NOTCH4: variants seen among roughly 807,000 people sequenced by gnomAD.
NOTCH4 encodes the protein neurogenic locus notch homolog protein 4.
NOTCH4 carries 138 observed loss-of-function variants against 189.0 expected under a neutral mutation model. The ratio of observed to expected loss-of-function variants is 0.73; its 90% CI spans 0.64 to 0.84. The LOEUF is 0.84. Among genes scored for constraint, NOTCH4 ranks in the 40% least tolerant of loss-of-function variants. NOTCH4 has a pLI of 0.00. For missense variants in NOTCH4, 2,286 were observed against 2,605.4 expected (o/e 0.88, Z 2.67); for synonymous variants, 942 against 1,032.8 (o/e 0.91, Z 1.69).
rs1353174622 is a variant in NOTCH4, at chr6:32,197,063, G to A, written c.5062C>T (p.Arg1688Cys). 9.3e-6 allele frequency: 15 copies of A among 1,612,420 alleles called. No individual in the cohort carries two copies. The highest frequency in any genetic ancestry group is 1.2e-5 in the Non-Finnish European group (14 of 1,180,012). ...DAREVCQLLLRSRQTAVDART... is the reference protein window; with the variant it reads ...DAREVCQLLLCSRQTAVDART... The stretch of plus-strand genomic sequence containing the variant: ...GCGTCCACTGCAGTTTGTCTGCTAC[G>A]GAGCAGAAGCTGGGGAGACAGAGGG... The change falls in exon 28 of 30, where the codon CGT (arginine) becomes TGT (cysteine). Residue 1688 changes from arginine to cysteine, a missense_variant. Physicochemically the swap from Arg to Cys is radical, Grantham distance 180. This residue lies in a region of NOTCH4 where 1,903 missense variants were observed against 2,261.9 expected (regional missense o/e 0.84). Coordinates refer to ENST00000375023, the MANE Select transcript of NOTCH4 (RefSeq NM_004557.4).
chr6:32,195,567 G>A lies in NOTCH4; in HGVS notation c.5882C>T (p.Ser1961Phe). 6.2e-7 allele frequency: 1 copy of A among 1,613,128 alleles called. No individual in the cohort carries two copies. ...CDWVALGACG[S>F]ASNIPIPPPC... The stretch of plus-strand genomic sequence containing the variant: ...AGGCGGGATCGGAATGTTGGAGGCA[G>A]AACCGCAAGCTCCCAGGGCCACCCA... Residue 1961 changes from serine to phenylalanine, a missense_variant, in exon 30 of 30, where the codon TCT becomes TTT. Physicochemically the swap from Ser to Phe is radical, Grantham distance 155 (BLOSUM62 -2). Coordinates refer to ENST00000375023, the MANE Select transcript of NOTCH4 (RefSeq NM_004557.4). The surrounding 1 kb of genome is among the most constrained non-coding windows in gnomAD (Gnocchi z 5.4).
chr6:32,204,937 T>C (rs962552900), intron 18 of NOTCH4, among the ~76,000 whole-genome samples: 2 of 152,196 alleles, frequency 1.3e-5, no homozygotes, highest in African/African-American at 4.8e-5. Flanking sequence ...AAGCTGAGTC[T>C]CTGAAAGGTT....
chr6:32,221,106 A>C lies in NOTCH4; in HGVS notation c.671T>G (p.Val224Gly). The part of the protein sequence containing the change: ...TLGSFQCLCP[V>G]GQEGPRCELR... Reference sequence around the variant, plus strand: ...CTCACAACGTGGACCCTCCTGCCCCACAGGGCAGAGGCACTGGAAGGAGCC... The same window carrying C: ...CTCACAACGTGGACCCTCCTGCCCCCCAGGGCAGAGGCACTGGAAGGAGCC... Residue 224 changes from valine (V) to glycine (G), a missense_variant, in exon 4 of 30, where the codon GTG (valine) becomes GGG (glycine). Val to Gly is a moderately radical substitution (Grantham distance 109, BLOSUM62 -3). Transcript: ENST00000375023. This position sits in a 1 kb window ranked among gnomAD's most constrained non-coding sequence, Gnocchi z 4.3. 1 of 1,612,996 alleles carries C rather than the reference A, an allele frequency of 6.2e-7. No individual in the cohort carries two copies. The highest frequency in any genetic ancestry group is 8.5e-7 in the Non-Finnish European group (1 of 1,179,978).
intron 3 of NOTCH4, among the ~76,000 whole-genome samples, chr6:32,222,120 A>G (rs1351180955): frequency 6.6e-6 from 1 of 151,952 alleles, no homozygotes; most frequent in African/African-American, 2.4e-5. Flanking sequence ...TTCCCAGGTG[A>G]TATAATGGCT....
chr6:32,217,226 G>GCACTCATCGATATCCTCCT lies in NOTCH4; in HGVS notation c.1646_1664dup (p.Cys555Ter), dbSNP rs772384990. 1.9e-5 allele frequency: 30 copies of GCACTCATCGATATCCTCCT among 1,613,058 alleles called. No individual in the cohort carries two copies. In the Admixed American group the frequency reaches 3.3e-4, roughly 18 times the overall value. On this transcript the variant is annotated stop_gained and frameshift_variant, in exon 10 of 30. Coordinates refer to ENST00000375023, the MANE Select transcript of NOTCH4 (RefSeq NM_004557.4). LOFTEE classifies it high-confidence loss of function. The surrounding 1 kb of genome is among the most constrained non-coding windows in gnomAD (Gnocchi z 4.2). ...CACCATTGGCACAGGGAGAGCTTCT[G>GCACTCATCGATATCCTCCT]CACTCATCGATATCCTCCTCACATC...
rs1402110381 is a variant in NOTCH4 at position 32,202,672 on chromosome 6, G to A, written c.3232-73C>T. 7.3e-7 allele frequency: 1 copy of A among 1,377,506 alleles called. No individual in the cohort carries two copies. Among genetic ancestry groups the A allele is most frequent in the Non-Finnish European group, 9.6e-7 (1 of 1,036,564 alleles). The allele number at this position is 1,377,506 out of a possible 1,614,324, so 85.3% of individuals were successfully genotyped here. ...CCCGCTCTCCATCAAGCAAACTCTT[G>A]GGTTAAGACGGTGCAGAGGGTCCTA... On this transcript the variant is annotated intron_variant, in intron 20 of 29. Coordinates refer to ENST00000375023, the MANE Select transcript of NOTCH4 (RefSeq NM_004557.4). This position sits in a 1 kb window ranked among gnomAD's most constrained non-coding sequence, Gnocchi z 5.7.
Position 32,210,747 on chromosome 6 carries a change from C to G in NOTCH4, c.2865+5G>C, listed in dbSNP as rs563678426. 2 of 1,612,158 alleles carry G rather than the reference C, an allele frequency of 1.2e-6. No individual in the cohort carries two copies. The highest frequency in any genetic ancestry group is 1.3e-5 in the African/African-American group (1 of 75,038). On this transcript the variant is annotated splice_donor_5th_base_variant and intron_variant, in intron 18 of 29. Coordinates refer to ENST00000375023, the MANE Select transcript of NOTCH4 (RefSeq NM_004557.4). This position sits in a 1 kb window ranked among gnomAD's most constrained non-coding sequence, Gnocchi z 4.8. The stretch of plus-strand genomic sequence containing the variant: ...TCCTCCCCCTTCTCCTGCAGACCCT[C>G]TCACCTGGCAGAGATACCCACTGGG...
At position 32,212,979 on chromosome 6, in the gene NOTCH4, A is replaced by G. The variant is rs1243084551; in HGVS notation, c.2439-68T>C. ...CAACAAGGGGAAGGTAGTGTGTGATATTGTCGGGAGGCAACCACAGGGAGG... is the reference window on the plus strand; with the variant it reads ...CAACAAGGGGAAGGTAGTGTGTGATGTTGTCGGGAGGCAACCACAGGGAGG... On this transcript the variant is annotated intron_variant, in intron 15 of 29. Coordinates refer to ENST00000375023, the MANE Select transcript of NOTCH4 (RefSeq NM_004557.4). This position sits in a 1 kb window ranked among gnomAD's most constrained non-coding sequence, Gnocchi z 4.4. 1.8e-5 allele frequency: 26 copies of G among 1,445,172 alleles called. No homozygotes were observed. 89.5% of individuals were successfully genotyped at this position (1,445,172 alleles called of 1,614,324 possible). A position where few individuals can be genotyped will look rare whatever the true frequency, so the allele number is the denominator to read the frequency against.
chr6:32,218,273 G>A lies in NOTCH4; in HGVS notation c.1511-165C>T, dbSNP rs3134797. 0.39 allele frequency among the ~76,000 whole-genome samples: 59,785 copies of A among 152,018 alleles called. 12,343 individuals are homozygous for A. The highest frequency in any genetic ancestry group is 0.5 in the Middle Eastern group (146 of 292). On this transcript the variant is annotated intron_variant, in intron 8 of 29. Coordinates refer to ENST00000375023, the MANE Select transcript of NOTCH4 (RefSeq NM_004557.4). ...ATGAACCCTGAGGCCCTGCTGCTTCGCAGTGTGTGGCCCTGCTCCTTGAGG... is the reference window on the plus strand; with the variant it reads ...ATGAACCCTGAGGCCCTGCTGCTTCACAGTGTGTGGCCCTGCTCCTTGAGG...
chr6:32,210,670 T>C lies in NOTCH4; in HGVS notation c.2865+82A>G. The C allele has an allele frequency of 2.2e-6, 3 of 1,358,638 alleles. No individual in the cohort carries two copies. The highest frequency in any genetic ancestry group is 3.1e-6 in the Non-Finnish European group (3 of 957,796). The allele number at this position is 1,358,638 out of a possible 1,614,324, so 84.2% of individuals were successfully genotyped here. A position where few individuals can be genotyped will look rare whatever the true frequency, so the allele number is the denominator to read the frequency against. On this transcript the variant is annotated intron_variant, in intron 18 of 29. Coordinates refer to ENST00000375023, the MANE Select transcript of NOTCH4 (RefSeq NM_004557.4). This position sits in a 1 kb window ranked among gnomAD's most constrained non-coding sequence, Gnocchi z 4.8. ...ATAAAAGGAGGTGAAATGGATACAT[T>C]GGGTCTTCCCTCAGTCACTACTGTC...
rs1050969115 is a variant in NOTCH4 at position 32,213,051 on chromosome 6, G to T, written c.2438+84C>A. On this transcript the variant is annotated intron_variant, in intron 15 of 29. Coordinates refer to ENST00000375023, the MANE Select transcript of NOTCH4 (RefSeq NM_004557.4). Reference sequence around the variant, plus strand: ...GGAACGAGGTGTGGGGTGGGAGGCAGCCTGGAACCCAGGGGGAGATGAGAG... The same window carrying T: ...GGAACGAGGTGTGGGGTGGGAGGCATCCTGGAACCCAGGGGGAGATGAGAG... 2.3e-6 allele frequency: 3 copies of T among 1,286,570 alleles called. No individual in the cohort carries two copies. In the African/African-American group the frequency reaches 4.4e-5, roughly 19 times the overall value. The allele number at this position is 1,286,570 out of a possible 1,614,324, so 79.7% of individuals were successfully genotyped here.
chr6:32,204,490 G>A, intron 18 of NOTCH4, 101 bp from the exon 19 acceptor site: 6 of 1,310,226 alleles, frequency 4.6e-6, no homozygotes, highest in Non-Finnish European at 6.3e-6. Context: ...CCACCTTCCA[G>A]CTCAACAGCA....
chr6:32,223,761 C>A, intron 1 of NOTCH4, 95 bp downstream of exon 1: 1 of 1,272,790 alleles, frequency 7.9e-7, no homozygotes, highest in Non-Finnish European at 1.1e-6. Flanking sequence ...TCCAGCATCC[C>A]TCACACGGCC....
Position 32,212,755 on chromosome 6 carries a change from A to G in NOTCH4, c.2526+69T>C. The G allele has an allele frequency of 2.7e-6, 4 of 1,462,332 alleles. No homozygotes were observed. Among genetic ancestry groups the G allele is most frequent in the South Asian group, 1.4e-5 (1 of 73,532 alleles). The allele number at this position is 1,462,332 out of a possible 1,614,324, so 90.6% of individuals were successfully genotyped here. ...ACCTTCTCCTGAATGGCCTGGGACCAGGTGACCCTCCCTGGTTTCCCTCCC... is the reference window on the plus strand; with the variant it reads ...ACCTTCTCCTGAATGGCCTGGGACCGGGTGACCCTCCCTGGTTTCCCTCCC... On this transcript the variant is annotated intron_variant, in intron 16 of 29. Coordinates refer to ENST00000375023, the MANE Select transcript of NOTCH4 (RefSeq NM_004557.4). The surrounding 1 kb of genome is among the most constrained non-coding windows in gnomAD (Gnocchi z 4.4).
In NOTCH4 at chr6:32,200,832, G is replaced by T; in HGVS notation, c.4314C>A (p.Thr1438=). 6.3e-7 allele frequency: 1 copy of T among 1,599,402 alleles called. No individual in the cohort carries two copies. Among genetic ancestry groups the T allele is most frequent in the Non-Finnish European group, 8.5e-7 (1 of 1,173,544 alleles). ...PLLAVHPHAG[T]APPANQLPWP... ...AGAAAGTGGCAAGGGGTCACCTACCGGTCCCTGCATGAGGGTGGACAGCCA... is the reference window on the plus strand; with the variant it reads ...AGAAAGTGGCAAGGGGTCACCTACCTGTCCCTGCATGAGGGTGGACAGCCA... Residue 1438 remains threonine, a splice_region_variant and synonymous_variant, in exon 23 of 30, where the codon ACC becomes ACA. Coordinates refer to ENST00000375023, the MANE Select transcript of NOTCH4 (RefSeq NM_004557.4). The surrounding 1 kb of genome is among the most constrained non-coding windows in gnomAD (Gnocchi z 5.0).
chr6:32,222,990 G>T lies in NOTCH4; in HGVS notation c.155+15C>A, dbSNP rs1789888529. ...CCTTTCTCTCCAGTCTCCCACTCCT[G>T]CAAGGCACACTCACTGGCAGGTCCC... is the stretch of plus-strand genomic sequence containing the variant. On this transcript the variant is annotated intron_variant, in intron 2 of 29. Coordinates refer to ENST00000375023, the MANE Select transcript of NOTCH4 (RefSeq NM_004557.4). 1 of 1,604,512 alleles carries T rather than the reference G, an allele frequency of 6.2e-7. No homozygotes were observed. Among genetic ancestry groups the T allele is most frequent in the Non-Finnish European group, 8.5e-7 (1 of 1,175,366 alleles).
chr6:32,195,624 CCTCCGCGCCCGGCAGCCA>C lies in NOTCH4; in HGVS notation c.5807_5824del (p.Val1936_Gly1941del). 1 of 1,612,976 alleles carries C rather than the reference CCTCCGCGCCCGGCAGCCA, an allele frequency of 6.2e-7. No individual in the cohort carries two copies. Among genetic ancestry groups the C allele is most frequent in the Non-Finnish European group, 8.5e-7 (1 of 1,179,950 alleles). On this transcript the variant is annotated inframe_deletion, in exon 30 of 30. Coordinates refer to ENST00000375023, the MANE Select transcript of NOTCH4 (RefSeq NM_004557.4). The surrounding 1 kb of genome is among the most constrained non-coding windows in gnomAD (Gnocchi z 5.4). ...GGGCCAGTCATCCGTTGAGACCCTGCCTCCGCGCCCGGCAGCCACTCCGTATCTTCCTCGCATTATCGC... is the reference window on the plus strand; with the variant it reads ...GGGCCAGTCATCCGTTGAGACCCTGCCTCCGTATCTTCCTCGCATTATCGC...
intron 8 of NOTCH4, among the ~76,000 whole-genome samples, chr6:32,219,375 C>A (rs886144308): frequency 1.3e-5 from 2 of 152,084 alleles, no homozygotes; most frequent in African/African-American, 4.8e-5. Context: ...CAGCTTCCCC[C>A]CAAGTTGAGG....
At chr6:32,208,159 CAATT>C (rs907457711) in intron 18 of NOTCH4, among the ~76,000 whole-genome samples, 1 of 151,938 alleles carries the variant, frequency 6.6e-6, no homozygotes, top group African/African-American at 2.4e-5. Context: ...GCAAAGGAAA[CAATT>C]AATGGAGTGA....
Sources: gnomAD v4.1 joint callset for allele counts (sites outside exome capture counted in the v4.1 genomes callset) on GRCh38, gnomAD v4.1.1 for gene constraint, gnomAD v4.1.1 regional missense constraint, Gnocchi (gnomAD v3.1) non-coding constraint, MANE v1.5 for transcripts, NCBI Gene and HGNC (gene_info 2026-07-23, HGNC 2026-07-21) for gene names.